The following TENM3 variants were observed in gnomAD, a reference collection of about 807,000 sequenced individuals.
TENM3 encodes teneurin-3.
A neutral mutation model predicts 255.1 loss-of-function variants in TENM3; 63 were observed. The observed-to-expected ratio is 0.25, with a 90% CI of 0.20 to 0.30. TENM3 has a LOEUF of 0.30. Ranked by LOEUF, TENM3 falls within the 10% of genes least tolerant of loss-of-function variation. The probability of loss-of-function intolerance (pLI) is 1.00; values close to 1 mark genes in which losing one functional copy is unlikely to be tolerated. For missense variants in TENM3, 2,929 were observed against 3,461.1 expected, an observed-to-expected ratio of 0.85 and a Z score of 3.86; for synonymous variants, 1,306 against 1,322.3, an observed-to-expected ratio of 0.99 and a Z score of 0.27.
chr4:181,595,194 G>A, the TENM3 span, among the ~76,000 whole-genome samples: 2 of 152,042 alleles, frequency 1.3e-5, no homozygotes, highest in African/African-American at 4.8e-5. Context: ...ACTTTGAGAG[G>A]CTGAGGCGGA....
chr4:181,726,336 A>C, the TENM3 span, among the ~76,000 whole-genome samples: 52 of 152,244 alleles, frequency 3.4e-4, no homozygotes, highest in Non-Finnish European at 6.8e-4. Context: ...ATGTGTAATG[A>C]GTGTCTGCTG....
the TENM3 span, among the ~76,000 whole-genome samples, chr4:181,846,926 T>G: frequency 1.4e-4 from 22 of 152,350 alleles, no homozygotes; most frequent in Admixed American, 1.3e-4. Context: ...ACTGGTAAAT[T>G]GTGGCAATGG....
intron 20 of TENM3, among the ~76,000 whole-genome samples, chr4:182,752,667 A>G (rs894570854): frequency 5.3e-5 from 8 of 152,148 alleles, no homozygotes; most frequent in Non-Finnish European, 4.4e-5. Flanking sequence ...TTATGTGAAC[A>G]AGGACTGGAA....
intron 18 of TENM3, 77 bp downstream of exon 18, chr4:182,738,621 A>C: frequency 8.0e-7 from 1 of 1,256,276 alleles, no homozygotes; most frequent in Non-Finnish European, 1.1e-6. Context: ...TTTCCAACTC[A>C]TGAGATTGTA....
chr4:182,651,646 G>A (rs556111620), intron 5 of TENM3, among the ~76,000 whole-genome samples: 5 of 151,764 alleles, frequency 3.3e-5, no homozygotes, highest in Non-Finnish European at 5.9e-5. Flanking sequence ...GCAGTGAGCC[G>A]AGATCGTGCC....
the TENM3 span, among the ~76,000 whole-genome samples, chr4:182,088,864 C>G: frequency 6.6e-6 from 1 of 151,498 alleles, no homozygotes; most frequent in South Asian, 2.1e-4. Flanking sequence ...AGAGAGACAG[C>G]CAAAGCAAAG....
the TENM3 span, among the ~76,000 whole-genome samples, chr4:181,728,646 C>T: frequency 6.6e-6 from 1 of 152,150 alleles, no homozygotes; most frequent in Non-Finnish European, 1.5e-5. Context: ...ACTTTCATCA[C>T]CATCTTGGCT....
intron 18 of TENM3, among the ~76,000 whole-genome samples, chr4:182,739,082 G>A (rs7691449): frequency 0.65 from 97,784 of 151,576 alleles, 31,905 homozygotes; most frequent in East Asian, 0.8. Flanking sequence ...GGGAAATAAA[G>A]CATTCTGCCA....
At chr4:181,989,469 A>C in the TENM3 span, among the ~76,000 whole-genome samples, 1 of 152,162 alleles carries the variant, frequency 6.6e-6, no homozygotes, top group Non-Finnish European at 1.5e-5. Context: ...AATCTTTAGA[A>C]ATTTTCTTTA....
At chr4:181,869,294 T>TA in the TENM3 span, among the ~76,000 whole-genome samples, 1 of 152,168 alleles carries the variant, frequency 6.6e-6, no homozygotes, top group Non-Finnish European at 1.5e-5. Flanking sequence ...CAGTCCTCTA[T>TA]ATACCTATGT....
chr4:182,681,740 G>T, intron 10 of TENM3, 74 bp from the exon 11 acceptor site: 1 of 1,064,558 alleles, frequency 9.4e-7, no homozygotes, highest in South Asian at 1.6e-5. Context: ...AATTAGATTA[G>T]GATTTAATTC....
chr4:182,359,983 A>G (rs868820043), intron 3 of TENM3, among the ~76,000 whole-genome samples: 91 of 152,124 alleles, frequency 6.0e-4, no homozygotes, highest in African/African-American at 2.0e-3. Context: ...TATGTACCCA[A>G]TAGTCATTCA....
Position 182,615,033 on chromosome 4 carries a change from A to G in TENM3, c.750-13618A>G, listed in dbSNP as rs1217979077. ...GGGAAAAGGCATGTTTCTCAGAAAA[A>G]AAAAAAAAAATACATATATATATAT... On this transcript the variant is annotated intron_variant, in intron 4 of 27. Coordinates refer to ENST00000511685, the MANE Select transcript of TENM3 (RefSeq NM_001080477.4). Among the ~76,000 whole-genome samples, 6 of 87,356 alleles carry G rather than the reference A, an allele frequency of 6.9e-5. 1 individual carries two copies. The highest frequency in any genetic ancestry group is 1.8e-4 in the Admixed American group (1 of 5,628). The allele number at this position is 87,356 out of a possible 152,430, so 57.3% of individuals were successfully genotyped here. A position where few individuals can be genotyped will look rare whatever the true frequency, so the allele number is the denominator to read the frequency against.
At chr4:182,680,378 C>T (rs376401508) in intron 9 of TENM3, 29 bp downstream of exon 9, 22 of 1,563,270 alleles carry the variant, frequency 1.4e-5, no homozygotes, top group Admixed American at 8.5e-5. Context: ...TCTCTTAAGC[C>T]GATATAAATA....
intron 3 of TENM3, among the ~76,000 whole-genome samples, chr4:182,534,094 T>A (rs569164120): frequency 3.4e-4 from 51 of 152,066 alleles, no homozygotes; most frequent in African/African-American, 1.2e-3. Context: ...CTATGTACTC[T>A]AAGAATACAA....
chr4:181,839,345 G>GTATATATATA, the TENM3 span, among the ~76,000 whole-genome samples: 2 of 56,678 alleles, frequency 3.5e-5, no homozygotes, highest in African/African-American at 1.4e-4. Flanking sequence ...TGTATTGAGG[G>GTATATATATA]TATATATATA....
chr4:182,490,325 A>T (rs1441720716), intron 3 of TENM3, among the ~76,000 whole-genome samples: 1 of 152,192 alleles, frequency 6.6e-6, no homozygotes, highest in Non-Finnish European at 1.5e-5. Context: ...AGCCATGATA[A>T]CCAGCTGAGA....
At chr4:182,476,768 A>G (rs145976672) in intron 3 of TENM3, among the ~76,000 whole-genome samples, 111 of 152,318 alleles carry the variant, frequency 7.3e-4, no homozygotes, top group African/African-American at 2.6e-3. Flanking sequence ...TGTAAATGTT[A>G]TAAGAACTTA....
chr4:181,515,017 C>A, the TENM3 span, among the ~76,000 whole-genome samples: 1 of 152,176 alleles, frequency 6.6e-6, no homozygotes, highest in Non-Finnish European at 1.5e-5. Flanking sequence ...AGTGGTACAG[C>A]CAGGGCTGAA....
Sources: gnomAD v4.1 joint callset for allele counts (sites outside exome capture counted in the v4.1 genomes callset) on GRCh38, gnomAD v4.1.1 for gene constraint, MANE v1.5 for transcripts, NCBI Gene and HGNC (gene_info 2026-07-23, HGNC 2026-07-21) for gene names.